Variants in SLAMF6 observed in about 807,000 individuals in gnomAD.
SLAMF6 encodes the protein SLAM family member 6.
Under a neutral mutation model 38.3 loss-of-function variants are expected in SLAMF6, and 21 were observed. The ratio of observed to expected loss-of-function variants is 0.55; its 90% CI spans 0.39 to 0.79. The LOEUF (loss-of-function observed/expected upper bound fraction) is 0.79. Among genes scored for constraint, SLAMF6 ranks in the 30% least tolerant of loss-of-function variants. SLAMF6 has a pLI of 0.00. For missense variants in SLAMF6, 341 were observed against 385.3 expected (o/e 0.89, Z 0.96); for synonymous variants, 152 against 146.3 (o/e 1.04, Z -0.28).
chr1:160,490,276 G>A lies in SLAMF6; in HGVS notation c.758-40C>T, dbSNP rs144746582. 1.1e-4 allele frequency: 181 copies of A among 1,612,444 alleles called. No homozygotes were observed. The African/African-American group carries it at 2.0e-3, about 18-fold the overall frequency. On this transcript the variant is annotated intron_variant, in intron 4 of 7. Transcript: ENST00000368057. ...CAGAAAATTGAAATGTGTGACAGCA[G>A]TGGGAGAGGCATTTCACCCCTAACC...
chr1:160,496,996 A>T (rs1653619375), intron 1 of SLAMF6, among the ~76,000 whole-genome samples: 1 of 152,134 alleles, frequency 6.6e-6, no homozygotes, highest in Non-Finnish European at 1.5e-5. Context: ...GCTACAGAAA[A>T]GTTAACTAAT....
chr1:160,506,403 A>T (rs1487260083), intron 1 of SLAMF6, among the ~76,000 whole-genome samples: 3 of 152,200 alleles, frequency 2.0e-5, no homozygotes, highest in Non-Finnish European at 4.4e-5. Flanking sequence ...CCCATCAACC[A>T]AGAATTCTAC....
At chr1:160,504,438 T>A (rs1169037456) in intron 1 of SLAMF6, among the ~76,000 whole-genome samples, 1 of 152,206 alleles carries the variant, frequency 6.6e-6, no homozygotes, top group African/African-American at 2.4e-5. Flanking sequence ...TTGATTGCCC[T>A]TTCCCCGATC....
intron 1 of SLAMF6, among the ~76,000 whole-genome samples, chr1:160,512,270 A>AC (rs1436854461): frequency 6.6e-6 from 1 of 152,134 alleles, no homozygotes; most frequent in South Asian, 2.1e-4. Flanking sequence ...TTTAGGCTGG[A>AC]CCCAGACTCA....
At chr1:160,509,309 G>T (rs1486749871) in intron 1 of SLAMF6, among the ~76,000 whole-genome samples, 1 of 152,180 alleles carries the variant, frequency 6.6e-6, no homozygotes, top group Non-Finnish European at 1.5e-5. Flanking sequence ...ATATACCATA[G>T]AATACTATGC....
At chr1:160,497,289 C>G (rs1653638412) in intron 1 of SLAMF6, among the ~76,000 whole-genome samples, 2 of 152,160 alleles carry the variant, frequency 1.3e-5, no homozygotes, top group African/African-American at 4.8e-5. Context: ...AAAGAAGATG[C>G]TTCCTTAGCA....
intron 1 of SLAMF6, among the ~76,000 whole-genome samples, 182 bp downstream of exon 1, chr1:160,522,962 G>A (rs919909384): frequency 3.9e-5 from 6 of 152,148 alleles, no homozygotes; most frequent in Non-Finnish European, 7.4e-5. Context: ...ACCATCTCAG[G>A]CTTATCGCAT....
chr1:160,500,085 G>T (rs1289416377), intron 1 of SLAMF6, among the ~76,000 whole-genome samples: 2 of 152,226 alleles, frequency 1.3e-5, no homozygotes, highest in Non-Finnish European at 2.9e-5. Flanking sequence ...GTGGTGAATA[G>T]GAGGGAGTAT....
Position 160,489,083 on chromosome 1 carries a change from C to T in SLAMF6, c.879+5G>A. On this transcript the variant is annotated splice_donor_5th_base_variant and intron_variant, in intron 6 of 7. Transcript: ENST00000368057. The stretch of plus-strand genomic sequence containing the variant: ...ACAATGGCATATAAAGCTGAAAAGA[C>T]TCACCCTGTTTGAATGAGTGACTGA... The T allele has an allele frequency of 6.2e-7, 1 of 1,611,196 alleles. No individual in the cohort carries two copies. The highest frequency in any genetic ancestry group is 1.1e-5 in the South Asian group (1 of 91,012).
intron 1 of SLAMF6, among the ~76,000 whole-genome samples, chr1:160,505,441 G>C (rs1466471783): frequency 6.6e-6 from 1 of 152,156 alleles, no homozygotes; most frequent in Non-Finnish European, 1.5e-5. Flanking sequence ...TCACTCTGTT[G>C]CCCAGATTGG....
intron 3 of SLAMF6, among the ~76,000 whole-genome samples, chr1:160,490,907 G>A (rs1653254816): frequency 1.3e-5 from 2 of 152,252 alleles, no homozygotes; most frequent in Middle Eastern, 3.4e-3. Flanking sequence ...TTTGATTTTG[G>A]GTTCTGAGTA....
At chr1:160,490,985 G>A in intron 3 of SLAMF6, 140 bp downstream of exon 3, 1 of 1,087,386 alleles carries the variant, frequency 9.2e-7, no homozygotes, top group East Asian at 2.4e-5. Context: ...GAGAGATGCA[G>A]AGCTCCAGAG....
At chr1:160,507,111 A>AAAAAAC (rs1411913724) in intron 1 of SLAMF6, among the ~76,000 whole-genome samples, 1 of 152,146 alleles carries the variant, frequency 6.6e-6, no homozygotes, top group Non-Finnish European at 1.5e-5. Context: ...GAATGAATTG[A>AAAAAAC]AAAAACAGGA....
intron 3 of SLAMF6, among the ~76,000 whole-genome samples, 200 bp downstream of exon 3, chr1:160,490,925 C>T (rs921956219): frequency 9.2e-5 from 14 of 151,836 alleles, no homozygotes; most frequent in African/African-American, 1.5e-4. Flanking sequence ...GTAGGTTGGA[C>T]GAGGGGTTGG....
rs142526497 is a variant in SLAMF6 at position 160,516,973 on chromosome 1, C to A, written c.49+6171G>T. Reference sequence around the variant, plus strand: ...GGGCAAAGATTTCATTATGAAATCACTGAAAGCAATTGCAACAAAAGCAAA... The same window carrying A: ...GGGCAAAGATTTCATTATGAAATCAATGAAAGCAATTGCAACAAAAGCAAA... On this transcript the variant is annotated intron_variant, in intron 1 of 7. Transcript: ENST00000368057. 3.1e-3 allele frequency among the ~76,000 whole-genome samples: 474 copies of A among 152,142 alleles called. 1 individual carries two copies. The highest frequency in any genetic ancestry group is 0.011 in the African/African-American group (450 of 41,488).
Position 160,491,200 on chromosome 1 carries a change from G to A in SLAMF6, c.571C>T (p.Gln191Ter). Residue 191 changes from glutamine to a stop codon, truncating the protein, a stop_gained, in exon 3 of 8, where the codon CAG becomes TAG. Transcript: ENST00000368057. LOFTEE classifies it high-confidence loss of function. ...TTCTCTGCTATGCAGGTGTAGTCCT[G>A]TTCACTGGAAATCCTGGGGTCCCAG... ...VSWDPRISSE[Q>*]DYTCIAENAV... The A allele has an allele frequency of 1.2e-6, 2 of 1,614,080 alleles. No homozygotes were observed. The highest frequency in any genetic ancestry group is 1.7e-6 in the Non-Finnish European group (2 of 1,179,986).
chr1:160,497,507 T>A (rs1653651044), intron 1 of SLAMF6, among the ~76,000 whole-genome samples: 1 of 152,188 alleles, frequency 6.6e-6, no homozygotes, highest in South Asian at 2.1e-4. Flanking sequence ...TGCTTCTTTT[T>A]CTTAAAAATT....
At position 160,486,211 on chromosome 1, in the gene SLAMF6, A is replaced by T. The variant is rs1185280512; in HGVS notation, c.*496T>A. ...GCAAATATTCCAAAATCTGAAAAAA[A>T]ATTGAAATCTGAAACATTTCTAATC... On this transcript the variant is annotated 3_prime_UTR_variant, in exon 8 of 8. Transcript: ENST00000368057. The T allele has an allele frequency of 6.5e-6, 1 of 152,926 alleles. No individual in the cohort carries two copies. The highest frequency in any genetic ancestry group is 1.5e-5 in the Non-Finnish European group (1 of 68,296). 9.5% of individuals were successfully genotyped at this position (152,926 alleles called of 1,614,324 possible).
At chr1:160,508,090 A>T (rs1181002755) in intron 1 of SLAMF6, among the ~76,000 whole-genome samples, 1 of 152,178 alleles carries the variant, frequency 6.6e-6, no homozygotes. Flanking sequence ...TGCCCAAGGT[A>T]ATTTGTAGAT....
Sources: allele counts gnomAD v4.1 joint callset (sites outside exome capture counted in the v4.1 genomes callset), GRCh38; gene constraint gnomAD v4.1.1; transcripts MANE v1.5; gene names NCBI Gene and HGNC (gene_info 2026-07-23, HGNC 2026-07-21).